Variants in HECW2 observed in about 807,000 individuals in gnomAD.
The protein encoded by HECW2 is E3 ubiquitin-protein ligase HECW2.
HECW2 carries 61 observed loss-of-function variants against 175.2 expected under a neutral mutation model. The observed-to-expected ratio is 0.35, with a 90% CI of 0.28 to 0.43. HECW2 has a LOEUF of 0.43. HECW2 is among the 20% of genes least tolerant of loss of function. The probability of loss-of-function intolerance (pLI) is 1.00; values close to 1 mark genes in which losing one functional copy is unlikely to be tolerated. For synonymous variants in HECW2, 671 were observed against 731.0 expected, an observed-to-expected ratio of 0.92 and a Z score of 1.32; for missense variants, 1,524 against 2,000.5, an observed-to-expected ratio of 0.76 and a Z score of 4.54.
At chr2:196,585,518 A>G (rs1439257169) in intron 1 of HECW2, among the ~76,000 whole-genome samples, 1 of 152,238 alleles carries the variant, frequency 6.6e-6, no homozygotes, top group Non-Finnish European at 1.5e-5. Context: ...AGGATGAGTT[A>G]GTTGAGCAAG....
At chr2:196,232,455 T>C (rs954801585) in intron 21 of HECW2, among the ~76,000 whole-genome samples, 9 of 152,188 alleles carry the variant, frequency 5.9e-5, no homozygotes, top group African/African-American at 2.2e-4. Flanking sequence ...GGGCTCAATA[T>C]ATATTGTTGA....
intron 1 of HECW2, among the ~76,000 whole-genome samples, chr2:196,512,693 C>CT (rs753919610): frequency 6.1e-4 from 89 of 144,836 alleles, no homozygotes; most frequent in East Asian, 6.0e-4. Flanking sequence ...CCAGATTATA[C>CT]TTTTTTTTTT....
rs138162583 is a variant in HECW2, at chr2:196,420,262, G to A, written c.292+12870C>T. Among the ~76,000 whole-genome samples, 277 of 152,296 alleles carry A rather than the reference G, an allele frequency of 1.8e-3. 3 individuals carry two copies. In the Middle Eastern group the frequency reaches 0.024, roughly 13 times the overall value. On this transcript the variant is annotated intron_variant, in intron 2 of 28. Coordinates refer to ENST00000644978, the MANE Select transcript of HECW2 (RefSeq NM_001348768.2). Reference sequence around the variant, plus strand: ...AATGCAGTTTCTCTGAAGTCCATATGAACTGCACACTACTGTGAGGCAAGT... The same window carrying A: ...AATGCAGTTTCTCTGAAGTCCATATAAACTGCACACTACTGTGAGGCAAGT...
intron 2 of HECW2, among the ~76,000 whole-genome samples, chr2:196,405,295 A>C (rs2125215785): frequency 6.6e-6 from 1 of 152,268 alleles, no homozygotes; most frequent in East Asian, 1.9e-4. Context: ...CATGAGTCTT[A>C]CTTTAGACTC....
Position 196,329,617 on chromosome 2 carries a change from C to G in HECW2, c.529G>C (p.Gly177Arg). The G allele has an allele frequency of 3.1e-6, 5 of 1,613,716 alleles. No homozygotes were observed. The highest frequency in any genetic ancestry group is 4.2e-6 in the Non-Finnish European group (5 of 1,179,668). The change falls in exon 5 of 29, where the codon GGA becomes CGA. Residue 177 changes from glycine (G) to arginine (R), a missense_variant. Gly to Arg is a moderately radical substitution (Grantham distance 125). Transcript: ENST00000644978. The stretch of plus-strand genomic sequence containing the variant: ...ACAAGTTTTCGAGAATGCAGGTTTC[C>G]TGAAGCACCTCCCTCCATGCCTTCT... ...GAEGMEGGAS[G>R]NLHSRKLVSF...
intron 2 of HECW2, among the ~76,000 whole-genome samples, chr2:196,419,590 C>T (rs1329488774): frequency 6.6e-6 from 1 of 152,198 alleles, no homozygotes; most frequent in Admixed American, 6.5e-5. Context: ...GAATACAGTG[C>T]ATTACAATTA....
intron 1 of HECW2, among the ~76,000 whole-genome samples, chr2:196,527,751 G>T (rs960170731): frequency 6.6e-6 from 1 of 152,176 alleles, no homozygotes; most frequent in Non-Finnish European, 1.5e-5. Context: ...ACAGCAGCAC[G>T]CTTTGAACCA....
intron 2 of HECW2, among the ~76,000 whole-genome samples, chr2:196,417,371 G>A (rs1695283136): frequency 6.6e-6 from 1 of 152,158 alleles, no homozygotes; most frequent in Non-Finnish European, 1.5e-5. Flanking sequence ...TCACTAAGAT[G>A]ACAATGTTGC....
intron 4 of HECW2, among the ~76,000 whole-genome samples, chr2:196,333,452 T>C (rs544111867): frequency 1.3e-5 from 2 of 152,350 alleles, no homozygotes; most frequent in African/African-American, 4.8e-5. Flanking sequence ...GACTGCTTTC[T>C]GAATTTCAAC....
chr2:196,468,366 A>T (rs1322999564), intron 1 of HECW2, among the ~76,000 whole-genome samples: 1 of 152,218 alleles, frequency 6.6e-6, no homozygotes, highest in Admixed American at 6.5e-5. Context: ...GTAAAGCCTC[A>T]AATTGCATGG....
At chr2:196,392,943 G>T (rs967303605) in intron 2 of HECW2, among the ~76,000 whole-genome samples, 3 of 152,140 alleles carry the variant, frequency 2.0e-5, no homozygotes, top group Admixed American at 6.5e-5. Flanking sequence ...CATGGTACTG[G>T]TACCAAAACA....
At chr2:196,444,405 G>A (rs1696125683) in intron 1 of HECW2, among the ~76,000 whole-genome samples, 1 of 152,158 alleles carries the variant, frequency 6.6e-6, no homozygotes, top group African/African-American at 2.4e-5. Flanking sequence ...AAACACCAGA[G>A]GTCATAACTA....
chr2:196,233,348 T>G (rs1688127280), intron 21 of HECW2, among the ~76,000 whole-genome samples: 1 of 152,218 alleles, frequency 6.6e-6, no homozygotes, highest in African/African-American at 2.4e-5. Context: ...ATCACATGGC[T>G]GGGTTGGCAC....
intron 1 of HECW2, among the ~76,000 whole-genome samples, chr2:196,589,114 G>A (rs931547516): frequency 6.6e-6 from 1 of 152,092 alleles, no homozygotes; most frequent in Admixed American, 6.5e-5. Context: ...CATGAGAATC[G>A]CTTAAACCCA....
intron 10 of HECW2, among the ~76,000 whole-genome samples, chr2:196,310,860 T>C (rs1691472362): frequency 3.3e-5 from 5 of 151,778 alleles, no homozygotes; most frequent in Admixed American, 2.6e-4. Flanking sequence ...TACAAGACCT[T>C]AAAAAAAGTC....
Position 196,567,588 on chromosome 2 carries a change from G to A in HECW2, c.-36+25920C>T, listed in dbSNP as rs78255413. Among the ~76,000 whole-genome samples the A allele has an allele frequency of 5.3e-3, 805 of 152,266 alleles. 15 individuals carry two copies. Among genetic ancestry groups the A allele is most frequent in the South Asian group, 0.041 (198 of 4,826 alleles). On this transcript the variant is annotated intron_variant, in intron 1 of 28. Coordinates refer to ENST00000644978, the MANE Select transcript of HECW2 (RefSeq NM_001348768.2). ...GCAGGCGGAATCACATGCCTATAGA[G>A]CCTATTGCCCTAGGGAAAGTAGATG...
At position 196,365,819 on chromosome 2, in the gene HECW2, A is replaced by C. The variant is rs149203210; in HGVS notation, c.293-22055T>G. On this transcript the variant is annotated intron_variant, in intron 2 of 28. Transcript: ENST00000644978. ...CATGCTAGGCCCTATAAGTGTGTACACACACTCATTTAATCCTCAGAGTCA... is the reference window on the plus strand; with the variant it reads ...CATGCTAGGCCCTATAAGTGTGTACCCACACTCATTTAATCCTCAGAGTCA... Among the ~76,000 whole-genome samples the C allele has an allele frequency of 5.4e-3, 816 of 152,324 alleles. 8 individuals are homozygous for C. Among genetic ancestry groups the C allele is most frequent in the Middle Eastern group, 0.02 (6 of 294 alleles).
At chr2:196,261,995 T>C (rs566443546) in intron 17 of HECW2, among the ~76,000 whole-genome samples, 2 of 129,868 alleles carry the variant, frequency 1.5e-5, no homozygotes, top group East Asian at 4.5e-4. Flanking sequence ...TGTTTGAAAA[T>C]TACTTTAATA....
At chr2:196,444,023 A>AG (rs1290287495) in intron 1 of HECW2, among the ~76,000 whole-genome samples, 1 of 152,252 alleles carries the variant, frequency 6.6e-6, no homozygotes, top group East Asian at 1.9e-4. Context: ...CAACAGAGTG[A>AG]GACCCTGTGG....
Sources: allele counts gnomAD v4.1 joint callset (sites outside exome capture counted in the v4.1 genomes callset), GRCh38; gene constraint gnomAD v4.1.1; transcripts MANE v1.5; gene names NCBI Gene and HGNC (gene_info 2026-07-23, HGNC 2026-07-21).